Variants in RCN3 observed in about 807,000 individuals in gnomAD.
RCN3 encodes the protein reticulocalbin-3.
Under a neutral mutation model 35.9 loss-of-function variants are expected in RCN3, and 41 were observed. The observed-to-expected ratio is 1.14, with a 90% CI of 0.89 to 1.48. The LOEUF is 1.48. RCN3 is among the 40% of genes most tolerant of loss of function. The probability of loss-of-function intolerance (pLI) is 0.00; values close to 1 mark genes in which losing one functional copy is unlikely to be tolerated. For synonymous variants in RCN3, 187 were observed against 193.4 expected (o/e 0.97, Z 0.27); for missense variants, 451 against 471.3 (o/e 0.96, Z 0.40).
At chr19:49,534,619 A>T (rs1198427684) in intron 3 of RCN3, among the ~76,000 whole-genome samples, 1 of 152,110 alleles carries the variant, frequency 6.6e-6, no homozygotes, top group Non-Finnish European at 1.5e-5. Flanking sequence ...CTGCATGCTA[A>T]AAACGATCTT....
chr19:49,541,017 G>A (rs1248872973), intron 5 of RCN3, among the ~76,000 whole-genome samples: 2 of 151,028 alleles, frequency 1.3e-5, no homozygotes, highest in Admixed American at 6.6e-5. Flanking sequence ...TGCAACCTCC[G>A]CCTCCCAGGT....
intron 2 of RCN3, among the ~76,000 whole-genome samples, chr19:49,530,497 C>CTTT (rs1220087922): frequency 4.7e-5 from 6 of 128,328 alleles, no homozygotes; most frequent in Admixed American, 1.6e-4. Context: ...TCTTTTTTTT[C>CTTT]TTTTTTTTTT....
chr19:49,532,600 C>T (rs971391565), intron 2 of RCN3, among the ~76,000 whole-genome samples: 8 of 152,106 alleles, frequency 5.3e-5, no homozygotes, highest in Admixed American at 1.3e-4. Flanking sequence ...TCTGGAACTC[C>T]TCACCTCAGG....
At chr19:49,532,174 C>T (rs554811003) in intron 2 of RCN3, among the ~76,000 whole-genome samples, 32 of 141,642 alleles carry the variant, frequency 2.3e-4, no homozygotes, top group African/African-American at 5.9e-4. Context: ...GGCGCGATCT[C>T]GGCTCACTGC....
At chr19:49,534,740 T>C (rs761565111) in intron 3 of RCN3, among the ~76,000 whole-genome samples, 8 of 152,108 alleles carry the variant, frequency 5.3e-5, no homozygotes, top group Non-Finnish European at 1.2e-4. Flanking sequence ...CCAACTAAGC[T>C]ACCCAGGTTC....
intron 2 of RCN3, among the ~76,000 whole-genome samples, chr19:49,532,296 G>A (rs1429888491): frequency 2.0e-5 from 3 of 150,924 alleles, no homozygotes; most frequent in Non-Finnish European, 3.0e-5. Flanking sequence ...TAGTAGAGAC[G>A]GGGTTTCACC....
At chr19:49,534,700 G>A (rs1483080896) in intron 3 of RCN3, among the ~76,000 whole-genome samples, 1 of 151,996 alleles carries the variant, frequency 6.6e-6, no homozygotes, top group African/African-American at 2.4e-5. Flanking sequence ...CTTGAAACCT[G>A]GGCCCTCAAA....
chr19:49,541,122 G>A (rs1379037831), intron 5 of RCN3, among the ~76,000 whole-genome samples: 4 of 151,936 alleles, frequency 2.6e-5, no homozygotes, highest in Non-Finnish European at 4.4e-5. Flanking sequence ...TAGAGACGGG[G>A]TTTCACCATT....
rs1334628066 is a variant in RCN3 at position 49,536,941 on chromosome 19, TG to T, written c.446-91del. The T allele has an allele frequency of 4.9e-6, 6 of 1,219,234 alleles. No individual in the cohort carries two copies. The African/African-American group carries it at 9.4e-5, about 19-fold the overall frequency. The allele number at this position is 1,219,234 out of a possible 1,614,324, so 75.5% of individuals were successfully genotyped here. On this transcript the variant is annotated intron_variant, in intron 3 of 6. Transcript: ENST00000270645. ...TACTTATTAACTCCACAGAAATCTT[TG>T]TACCCCAGTAGGATTTACTTTGTCT...
At position 49,538,959 on chromosome 19, in the gene RCN3, T is replaced by G. The variant is rs189645477; in HGVS notation, c.619-160T>G. 2.4e-4 allele frequency among the ~76,000 whole-genome samples: 37 copies of G among 152,126 alleles called. 1 individual carries two copies. Among genetic ancestry groups the G allele is most frequent in the Admixed American group, 1.6e-3 (24 of 15,264 alleles). On this transcript the variant is annotated intron_variant, in intron 4 of 6. Transcript: ENST00000270645. ...GATAACATCCCAGAAAGCCCGCAAA[T>G]TTCCCACATGCCACCTGTTGAGACT...
At chr19:49,535,698 T>A (rs1158645015) in intron 3 of RCN3, among the ~76,000 whole-genome samples, 1 of 151,434 alleles carries the variant, frequency 6.6e-6, no homozygotes, top group Non-Finnish European at 1.5e-5. Context: ...CACAAAAAAA[T>A]ACTTAGCTGG....
chr19:49,533,061 T>C (rs1324886744), intron 2 of RCN3, among the ~76,000 whole-genome samples: 1 of 152,200 alleles, frequency 6.6e-6, no homozygotes, highest in Admixed American at 6.5e-5. Flanking sequence ...TCCTCCGTTT[T>C]ACAGAGGGGT....
chr19:49,539,706 C>A (rs927488489), intron 5 of RCN3, among the ~76,000 whole-genome samples: 2 of 150,058 alleles, frequency 1.3e-5, no homozygotes, highest in African/African-American at 4.9e-5. Context: ...TCAAGGAGAA[C>A]GCTAACAAGG....
At chr19:49,537,319 G>C in intron 4 of RCN3, 114 bp downstream of exon 4, 1 of 1,104,382 alleles carries the variant, frequency 9.1e-7, no homozygotes, top group East Asian at 2.9e-5. Flanking sequence ...TGGTTCTCCA[G>C]CATCTTGCCG....
rs767039590 is a variant in RCN3 at position 49,537,032 on chromosome 19, G to C, written c.446-1G>C. ...TCTCACTGAGACCTGTCCTTCCCCAGGTGAAGAATTTCATGACGTGGAGGA... is the reference window on the plus strand; with the variant it reads ...TCTCACTGAGACCTGTCCTTCCCCACGTGAAGAATTTCATGACGTGGAGGA... On this transcript the variant is annotated splice_acceptor_variant, in intron 3 of 6. Coordinates refer to ENST00000270645, the MANE Select transcript of RCN3 (RefSeq NM_020650.3). LOFTEE classifies it high-confidence loss of function. 1 of 1,530,162 alleles carries C rather than the reference G, an allele frequency of 6.5e-7. No homozygotes were observed. The highest frequency in any genetic ancestry group is 1.2e-5 in the South Asian group (1 of 80,082). 94.8% of individuals were successfully genotyped at this position (1,530,162 alleles called of 1,614,324 possible).
intron 5 of RCN3, among the ~76,000 whole-genome samples, chr19:49,539,718 ATTTTTTTTT>A (rs58021494): frequency 1.7e-5 from 2 of 119,198 alleles, no homozygotes; most frequent in East Asian, 2.4e-4. Flanking sequence ...CTAACAAGGA[ATTTTTTTTT>A]TTTTTTTTTT....
intron 2 of RCN3, among the ~76,000 whole-genome samples, chr19:49,532,100 C>CTTTTTTTTTTTT (rs925920521): frequency 1.1e-5 from 1 of 93,024 alleles, no homozygotes; most frequent in African/African-American, 4.4e-5. Context: ...GGCGCCTGGC[C>CTTTTTTTTTTTT]TTTTTTTTTT....
chr19:49,534,541 A>C, intron 3 of RCN3, 146 bp downstream of exon 3: 1 of 728,938 alleles, frequency 1.4e-6, no homozygotes, highest in Non-Finnish European at 2.1e-6. Context: ...CATAACTGTG[A>C]GATCTTCAGT....
chr19:49,535,897 G>T (rs1006507194), intron 3 of RCN3, among the ~76,000 whole-genome samples: 2 of 146,602 alleles, frequency 1.4e-5, no homozygotes, highest in African/African-American at 5.0e-5. Context: ...TAGATAGATA[G>T]ATATAGATAT....
Sources: allele counts gnomAD v4.1 joint callset (sites outside exome capture counted in the v4.1 genomes callset), GRCh38; gene constraint gnomAD v4.1.1; transcripts MANE v1.5; gene names NCBI Gene and HGNC (gene_info 2026-07-23, HGNC 2026-07-21).